Variants in ARHGAP15 observed in about 807,000 individuals in gnomAD.
The protein encoded by ARHGAP15 is Rho GTPase activating protein 15.
ARHGAP15 carries 51 observed loss-of-function variants against 63.7 expected under a neutral mutation model. The ratio of observed to expected loss-of-function variants is 0.80; its 90% CI spans 0.64 to 1.01. The LOEUF is 1.01. Among genes scored for constraint, ARHGAP15 ranks in the 50% least tolerant of loss-of-function variants. The probability of loss-of-function intolerance (pLI) is 0.00; values close to 1 mark genes in which losing one functional copy is unlikely to be tolerated. For synonymous variants in ARHGAP15, 191 were observed against 193.8 expected (o/e 0.99, Z 0.12); for missense variants, 560 against 564.6 (o/e 0.99, Z 0.08).
intron 8 of ARHGAP15, among the ~76,000 whole-genome samples, chr2:143,481,583 T>G (rs1692082186): frequency 6.6e-6 from 1 of 152,110 alleles, no homozygotes; most frequent in Non-Finnish European, 1.5e-5. Context: ...GGGGTTTTCT[T>G]TTTTGGTTCC....
chr2:143,724,509 T>G (rs1423358013), intron 13 of ARHGAP15, among the ~76,000 whole-genome samples: 1 of 152,218 alleles, frequency 6.6e-6, no homozygotes, highest in East Asian at 1.9e-4. Context: ...TGGGTTAACT[T>G]TAATCCTTCA....
At chr2:143,490,002 T>A (rs978729591) in intron 9 of ARHGAP15, among the ~76,000 whole-genome samples, 1 of 152,134 alleles carries the variant, frequency 6.6e-6, no homozygotes, top group African/African-American at 2.4e-5. Flanking sequence ...TTTGTTTTTG[T>A]TTTTGTTTTT....
chr2:143,250,482 T>G, intron 5 of ARHGAP15, 29 bp from the exon 6 acceptor site: 1 of 1,567,892 alleles, frequency 6.4e-7, no homozygotes, highest in Non-Finnish European at 8.8e-7. Context: ...TTGCATCCTC[T>G]TATTCTTACT....
chr2:143,316,210 CACCA>C (rs1683700773), intron 6 of ARHGAP15, among the ~76,000 whole-genome samples: 1 of 152,028 alleles, frequency 6.6e-6, no homozygotes, highest in Non-Finnish European at 1.5e-5. Context: ...GGTAGGAAAT[CACCA>C]ACCAACCAAT....
intron 8 of ARHGAP15, among the ~76,000 whole-genome samples, chr2:143,463,753 A>G (rs1691074334): frequency 6.6e-6 from 1 of 152,132 alleles, no homozygotes; most frequent in Non-Finnish European, 1.5e-5. Context: ...GATTAACTTA[A>G]AGTCTGATTA....
chr2:143,306,443 C>G (rs917392232), intron 6 of ARHGAP15, among the ~76,000 whole-genome samples: 5 of 152,102 alleles, frequency 3.3e-5, no homozygotes, highest in African/African-American at 1.2e-4. Flanking sequence ...ATGTAACCCA[C>G]ACATATCGAT....
intron 6 of ARHGAP15, among the ~76,000 whole-genome samples, chr2:143,285,687 G>A (rs1682059199): frequency 6.6e-6 from 1 of 152,040 alleles, no homozygotes; most frequent in East Asian, 1.9e-4. Context: ...TGTTAATATA[G>A]TATCAGTTTA....
In ARHGAP15 at chr2:143,607,526, T is replaced by G. The variant is rs181379789; in HGVS notation, c.1004-16607T>G. On this transcript the variant is annotated intron_variant, in intron 11 of 13. Coordinates refer to ENST00000295095, the MANE Select transcript of ARHGAP15 (RefSeq NM_018460.4). ...CATTTCCTGTCCTGACCTTAATGTT[T>G]CAGTGAAAAGAAGGCCACCCACGAG... 2.1e-3 allele frequency: 313 copies of G among 151,516 alleles called. 3 individuals carry two copies. The highest frequency in any genetic ancestry group is 7.3e-3 in the African/African-American group (302 of 41,340). The allele number at this position is 151,516 out of a possible 1,614,324, so 9.4% of individuals were successfully genotyped here. A position where few individuals can be genotyped will look rare whatever the true frequency, so the allele number is the denominator to read the frequency against.
At chr2:143,280,955 A>G (rs1054643094) in intron 6 of ARHGAP15, among the ~76,000 whole-genome samples, 1 of 152,184 alleles carries the variant, frequency 6.6e-6, no homozygotes, top group African/African-American at 2.4e-5. Context: ...AAAAACATTT[A>G]GATACAGATT....
intron 10 of ARHGAP15, among the ~76,000 whole-genome samples, chr2:143,541,662 G>T (rs566739152): frequency 4.6e-5 from 7 of 152,138 alleles, no homozygotes; most frequent in African/African-American, 1.7e-4. Context: ...TGTTTGCCTG[G>T]GTATCAGCAG....
chr2:143,318,141 G>A (rs1683810757), intron 6 of ARHGAP15, among the ~76,000 whole-genome samples: 1 of 151,864 alleles, frequency 6.6e-6, no homozygotes, highest in Non-Finnish European at 1.5e-5. Flanking sequence ...TGGGACTACA[G>A]GCACGTGGCA....
intron 9 of ARHGAP15, among the ~76,000 whole-genome samples, chr2:143,513,694 T>A (rs1574559481): frequency 1.3e-5 from 2 of 152,352 alleles, no homozygotes; most frequent in Admixed American, 1.3e-4. Flanking sequence ...AATGTCTAAA[T>A]TCCATTTCCA....
chr2:143,633,310 T>C (rs1007933889), intron 12 of ARHGAP15, among the ~76,000 whole-genome samples: 7 of 152,170 alleles, frequency 4.6e-5, no homozygotes, highest in Non-Finnish European at 8.8e-5. Context: ...TAGAGCCAAA[T>C]GGCTTGCACA....
chr2:143,417,914 T>C (rs1688754682), intron 6 of ARHGAP15, among the ~76,000 whole-genome samples: 1 of 152,178 alleles, frequency 6.6e-6, no homozygotes, highest in African/African-American at 2.4e-5. Context: ...AGAAACCAAT[T>C]TTTGGATAAA....
chr2:143,521,085 T>TTAC (rs1694045908), intron 10 of ARHGAP15, among the ~76,000 whole-genome samples: 2 of 152,210 alleles, frequency 1.3e-5, no homozygotes, highest in African/African-American at 4.8e-5. Flanking sequence ...AGCATTATAT[T>TTAC]TCATTGTCCC....
chr2:143,646,907 A>G (rs1332291284), intron 12 of ARHGAP15, among the ~76,000 whole-genome samples: 1 of 152,026 alleles, frequency 6.6e-6, no homozygotes, highest in Non-Finnish European at 1.5e-5. Flanking sequence ...GAGAGTAGCA[A>G]TTGGGTTAAG....
intron 13 of ARHGAP15, chr2:143,766,950 CACCTCAACA>C (rs2072943859): frequency 6.6e-6 from 1 of 152,234 alleles, no homozygotes; most frequent in African/African-American, 2.4e-5. Flanking sequence ...AAAGTCCAAC[CACCTCAACA>C]ATGTTCCACA....
intron 4 of ARHGAP15, among the ~76,000 whole-genome samples, chr2:143,222,934 G>A (rs1693056381): frequency 6.6e-6 from 1 of 152,012 alleles, no homozygotes; most frequent in African/African-American, 2.4e-5. Flanking sequence ...GATGTAATTT[G>A]TTTTGTATGT....
At chr2:143,163,624 T>C (rs1690384903) in intron 2 of ARHGAP15, among the ~76,000 whole-genome samples, 1 of 152,012 alleles carries the variant, frequency 6.6e-6, no homozygotes, top group Non-Finnish European at 1.5e-5. Flanking sequence ...ACTTCCAATA[T>C]GTTTCAAGGA....
Sources: gnomAD v4.1 joint callset for allele counts (sites outside exome capture counted in the v4.1 genomes callset) on GRCh38, gnomAD v4.1.1 for gene constraint, MANE v1.5 for transcripts, NCBI Gene and HGNC (gene_info 2026-07-23, HGNC 2026-07-21) for gene names.